Variants in DOCK7 observed in about 807,000 individuals in gnomAD.
DOCK7 encodes the protein dedicator of cytokinesis protein 7.
Under a neutral mutation model 271.0 loss-of-function variants are expected in DOCK7, and 138 were observed. The observed-to-expected ratio is 0.51, with a 90% CI of 0.44 to 0.59. The LOEUF is 0.59. Ranked by LOEUF, DOCK7 falls within the 20% of genes least tolerant of loss-of-function variation. The pLI, the probability that DOCK7 is intolerant of heterozygous loss-of-function variation, is 0.00. For missense variants in DOCK7, 2,066 were observed against 2,592.4 expected, an observed-to-expected ratio of 0.80 and a Z score of 4.41; for synonymous variants, 823 against 876.1, an observed-to-expected ratio of 0.94 and a Z score of 1.07.
rs761488679 is a variant in DOCK7 at position 62,535,615 on chromosome 1, C to T, written c.3489G>A (p.Thr1163=). 6 of 1,613,468 alleles carry T rather than the reference C, an allele frequency of 3.7e-6. No homozygotes were observed. Among genetic ancestry groups the T allele is most frequent in the Admixed American group, 1.7e-5 (1 of 59,960 alleles). Residue 1163 remains threonine (T), a synonymous_variant, in exon 29 of 50, where the codon ACG becomes ACA. Transcript: ENST00000635253. ...SATSQSSGFS[T]NVQDQKIANM... ...TTGCAATCTTTTGGTCTTGTACATT[C>T]GTAGAAAATCCAGAACTCTGTTGGA...
At chr1:62,615,811 T>C (rs1271143007) in intron 14 of DOCK7, among the ~76,000 whole-genome samples, 1 of 151,768 alleles carries the variant, frequency 6.6e-6, no homozygotes, top group African/African-American at 2.4e-5. Context: ...AATGTCTAGA[T>C]ACAGTCCAAA....
intron 22 of DOCK7, among the ~76,000 whole-genome samples, chr1:62,545,758 A>G (rs947651880): frequency 2.0e-5 from 3 of 152,152 alleles, no homozygotes; most frequent in Non-Finnish European, 2.9e-5. Flanking sequence ...AAACGCTACT[A>G]AAGTATATGT....
intron 1 of DOCK7, among the ~76,000 whole-genome samples, chr1:62,680,937 G>A (rs1661052300): frequency 6.6e-6 from 1 of 152,110 alleles, no homozygotes; most frequent in Admixed American, 6.6e-5. Flanking sequence ...AGTGTTGGTG[G>A]GACTGTAAAC....
At chr1:62,636,712 C>T (rs1261234998) in intron 7 of DOCK7, 109 bp from the exon 8 acceptor site, 11 of 857,594 alleles carry the variant, frequency 1.3e-5, no homozygotes. Context: ...GTTTTCTACA[C>T]CTGTGCCTTT....
At chr1:62,565,612 T>G (rs1180845504) in intron 18 of DOCK7, among the ~76,000 whole-genome samples, 1 of 152,114 alleles carries the variant, frequency 6.6e-6, no homozygotes, top group Non-Finnish European at 1.5e-5. Context: ...CCATACTGAA[T>G]AGGCGAAAAC....
Position 62,473,514 on chromosome 1 carries a change from A to G in DOCK7, c.6212+468T>C, listed in dbSNP as rs570739730. Among the ~76,000 whole-genome samples, 14 of 152,314 alleles carry G rather than the reference A, an allele frequency of 9.2e-5. No homozygotes were observed. In the South Asian group the frequency reaches 2.9e-3, roughly 32 times the overall value. ...GGTTGTGGGAGAGGGGAATAAGTAT[A>G]TGCTATTAAAGAGTAGTAAATTCTA... On this transcript the variant is annotated intron_variant, in intron 48 of 49. Transcript: ENST00000635253.
At chr1:62,616,265 T>C (rs1362980494) in intron 14 of DOCK7, among the ~76,000 whole-genome samples, 2 of 151,806 alleles carry the variant, frequency 1.3e-5, no homozygotes, top group Admixed American at 1.3e-4. Context: ...AATTCCCATT[T>C]AAGTTCTGTA....
chr1:62,603,888 C>T (rs1259092363), intron 14 of DOCK7: 2 of 1,354,540 alleles, frequency 1.5e-6, no homozygotes, highest in Non-Finnish European at 1.0e-6. Flanking sequence ...ATTAGTTGCA[C>T]CAATAAAAAA....
rs568791722 is a variant in DOCK7, at chr1:62,638,616, AATAT to A, written c.819-2017_819-2014del. On this transcript the variant is annotated intron_variant, in intron 7 of 49. Transcript: ENST00000635253. ...TTTCATGAATATATATTTTTTCATG[AATAT>A]ATATTTTCATGAATATATATATTTT... Among the ~76,000 whole-genome samples, 620 of 148,268 alleles carry A rather than the reference AATAT, an allele frequency of 4.2e-3. 1 individual carries two copies. The highest frequency in any genetic ancestry group is 6.4e-3 in the Non-Finnish European group (432 of 67,138).
chr1:62,563,194 C>A (rs968715472), intron 18 of DOCK7, among the ~76,000 whole-genome samples: 11 of 152,106 alleles, frequency 7.2e-5, no homozygotes, highest in Non-Finnish European at 1.3e-4. Flanking sequence ...ACTGGATCCA[C>A]CCTAGAAAGT....
At chr1:62,541,390 G>A (rs1346649064) in intron 25 of DOCK7, among the ~76,000 whole-genome samples, 1 of 152,106 alleles carries the variant, frequency 6.6e-6, no homozygotes, top group East Asian at 1.9e-4. Context: ...ATGTACAGGT[G>A]ACCCTTGAAC....
rs551424811 is a variant in DOCK7, at chr1:62,647,744, A to G, written c.765T>C (p.Asp255=). Residue 255 remains aspartate, a synonymous_variant, in exon 7 of 50, where the codon GAT becomes GAC. Coordinates refer to ENST00000635253, the MANE Select transcript of DOCK7 (RefSeq NM_001367561.1). ...EEPIERLSVP[D]IPKEHFGQRL... is the part of the protein sequence containing the mutation. Reference sequence around the variant, plus strand: ...TTTGACCAAAATGTTCTTTGGGTATATCAGGAACACTAAGCCGTTCTATTG... The same window carrying G: ...TTTGACCAAAATGTTCTTTGGGTATGTCAGGAACACTAAGCCGTTCTATTG... The G allele has an allele frequency of 1.9e-6, 3 of 1,611,196 alleles. No individual in the cohort carries two copies. In the South Asian group the frequency reaches 3.3e-5, roughly 18 times the overall value.
At chr1:62,553,032 C>CTTTTTTTTTTTTTTTTTTTTTTTTTT (rs66892340) in intron 21 of DOCK7, 131 bp from the exon 22 acceptor site, 1 of 161,410 alleles carries the variant, frequency 6.2e-6, no homozygotes, top group Non-Finnish European at 9.4e-6. Flanking sequence ...AAAAAATATA[C>CTTTTTTTTTTTTTTTTTTTTTTTTTT]TTTTTTTTTT....
At position 62,455,146 on chromosome 1, in the gene DOCK7, A is replaced by T. The variant is rs1328733764; in HGVS notation, c.*268T>A. ...TTAAAGTGAATAAATTTTTAACCTT[A>T]GCTATGGTATAAATAATGGTAAATG... On this transcript the variant is annotated 3_prime_UTR_variant, in exon 50 of 50. Transcript: ENST00000635253. The T allele has an allele frequency of 3.6e-6, 2 of 555,212 alleles. No homozygotes were observed. The highest frequency in any genetic ancestry group is 3.0e-5 in the East Asian group (1 of 33,864). The allele number at this position is 555,212 out of a possible 1,614,324, so 34.4% of individuals were successfully genotyped here.
intron 40 of DOCK7, among the ~76,000 whole-genome samples, chr1:62,493,864 G>A (rs910111828): frequency 9.2e-5 from 14 of 152,152 alleles, no homozygotes; most frequent in Non-Finnish European, 1.5e-4. Flanking sequence ...TGTGAGTCAT[G>A]GTATTAGTCA....
chr1:62,668,806 G>A (rs1659602219), intron 1 of DOCK7, among the ~76,000 whole-genome samples: 1 of 151,098 alleles, frequency 6.6e-6, no homozygotes, highest in Admixed American at 6.6e-5. Flanking sequence ...GAGGTGGGAG[G>A]ACTAGCTACT....
intron 2 of DOCK7, among the ~76,000 whole-genome samples, chr1:62,656,830 C>A (rs930660740): frequency 2.0e-5 from 3 of 151,956 alleles, no homozygotes; most frequent in African/African-American, 7.3e-5. Flanking sequence ...TTTTCCCCAG[C>A]CAAAAGATCA....
rs775796749 is a variant in DOCK7 at position 62,578,899 on chromosome 1, G to C, written c.1939C>G (p.Leu647Val). ...PATLTDHHHL[L>V]FTFYHVSCQQ... is the part of the protein sequence containing the mutation. ...CAACTAACATGATAAAAAGTAAAAAGCAAGTGATGATGGTCAGTTAAAGTA... is the reference window on the plus strand; with the variant it reads ...CAACTAACATGATAAAAAGTAAAAACCAAGTGATGATGGTCAGTTAAAGTA... The change falls in exon 17 of 50, where the codon CTT becomes GTT. Residue 647 changes from leucine (L) to valine (V), a missense_variant. Coordinates refer to ENST00000635253, the MANE Select transcript of DOCK7 (RefSeq NM_001367561.1). 1 of 1,607,136 alleles carries C rather than the reference G, an allele frequency of 6.2e-7. No homozygotes were observed. Among genetic ancestry groups the C allele is most frequent in the Admixed American group, 1.7e-5 (1 of 59,168 alleles).
intron 1 of DOCK7, among the ~76,000 whole-genome samples, chr1:62,668,820 G>A (rs901400084): frequency 6.6e-6 from 1 of 151,798 alleles, no homozygotes; most frequent in Non-Finnish European, 1.5e-5. Context: ...AGCTACTTGG[G>A]AGGCTGAAGC....
Sources: allele counts gnomAD v4.1 joint callset (sites outside exome capture counted in the v4.1 genomes callset), GRCh38; gene constraint gnomAD v4.1.1; transcripts MANE v1.5; gene names NCBI Gene and HGNC (gene_info 2026-07-23, HGNC 2026-07-21).